The following PPARGC1A variants were observed in gnomAD, a reference collection of about 807,000 sequenced individuals.
PPARGC1A encodes the protein PPARG coactivator 1 alpha.
Under a neutral mutation model 88.7 loss-of-function variants are expected in PPARGC1A, and 25 were observed. The ratio of observed to expected loss-of-function variants is 0.28; its 90% CI spans 0.21 to 0.39. The LOEUF (loss-of-function observed/expected upper bound fraction) is 0.39, where lower values mean the gene tolerates loss of function less well. Ranked by LOEUF, PPARGC1A falls within the 10% of genes least tolerant of loss-of-function variation. PPARGC1A has a pLI of 1.00. For missense variants in PPARGC1A, 880 were observed against 968.7 expected, an observed-to-expected ratio of 0.91 and a Z score of 1.22; for synonymous variants, 363 against 355.6, an observed-to-expected ratio of 1.02 and a Z score of -0.24.
At chr4:24,409,331 T>G in the PPARGC1A span, among the ~76,000 whole-genome samples, 1 of 152,238 alleles carries the variant, frequency 6.6e-6, no homozygotes, top group African/African-American at 2.4e-5. Flanking sequence ...TAAAAGAACC[T>G]GCAGTCAAGA....
chr4:24,298,541 G>A, the PPARGC1A span, among the ~76,000 whole-genome samples: 1 of 152,136 alleles, frequency 6.6e-6, no homozygotes, highest in Non-Finnish European at 1.5e-5. Flanking sequence ...TTGCCCACAT[G>A]ATTTTGCAGT....
chr4:23,979,858 T>C, the PPARGC1A span, among the ~76,000 whole-genome samples: 4 of 152,136 alleles, frequency 2.6e-5, no homozygotes, highest in Non-Finnish European at 5.9e-5. Context: ...ACAGGTGTAG[T>C]GGATATCTCC....
chr4:23,959,153 C>T, the PPARGC1A span, among the ~76,000 whole-genome samples: 4 of 152,022 alleles, frequency 2.6e-5, no homozygotes, highest in East Asian at 7.7e-4. Flanking sequence ...AGAATGAATG[C>T]AAATGTGACT....
the PPARGC1A span, among the ~76,000 whole-genome samples, chr4:24,104,302 T>A: frequency 6.6e-6 from 1 of 152,296 alleles, no homozygotes; most frequent in East Asian, 1.9e-4. Context: ...CAGTGCTTTG[T>A]GGACTGTATT....
chr4:23,895,416 C>T (rs187949132), intron 1 of PPARGC1A, among the ~76,000 whole-genome samples: 1 of 149,916 alleles, frequency 6.7e-6, no homozygotes, highest in Admixed American at 6.7e-5. Flanking sequence ...TTTTCCAGTG[C>T]TTTGATATTT....
At chr4:23,972,489 G>A in the PPARGC1A span, among the ~76,000 whole-genome samples, 4 of 152,146 alleles carry the variant, frequency 2.6e-5, no homozygotes, top group South Asian at 2.1e-4. Flanking sequence ...AGTTTAACAC[G>A]TCCTTGATGG....
At chr4:23,822,151 A>G (rs1723120368) in intron 7 of PPARGC1A, among the ~76,000 whole-genome samples, 1 of 152,114 alleles carries the variant, frequency 6.6e-6, no homozygotes, top group African/African-American at 2.4e-5. Context: ...CTTAGCAATC[A>G]AAAGATCCAG....
chr4:24,440,406 AGCCAGTTCAC>A, the PPARGC1A span, among the ~76,000 whole-genome samples: 2 of 152,250 alleles, frequency 1.3e-5, no homozygotes, highest in African/African-American at 2.4e-5. Flanking sequence ...GCTGAGGTTC[AGCCAGTTCAC>A]GCAAAGTACA....
At chr4:24,298,736 C>T in the PPARGC1A span, among the ~76,000 whole-genome samples, 4 of 152,094 alleles carry the variant, frequency 2.6e-5, no homozygotes, top group Non-Finnish European at 5.9e-5. Flanking sequence ...TAAAACATGG[C>T]TTTTAGTCTG....
chr4:24,471,416 G>C, the PPARGC1A span, among the ~76,000 whole-genome samples: 1 of 152,134 alleles, frequency 6.6e-6, no homozygotes, highest in Non-Finnish European at 1.5e-5. The surrounding 1 kb of genome is among the most constrained non-coding windows in gnomAD (Gnocchi z 5.4). Context: ...ACTTCCCCGC[G>C]TAGTTTGGAG....
the PPARGC1A span, among the ~76,000 whole-genome samples, chr4:24,079,272 A>G: frequency 6.6e-6 from 1 of 152,132 alleles, no homozygotes. Flanking sequence ...TCAGTAGTTA[A>G]ATGGAATTTA....
intron 7 of PPARGC1A, among the ~76,000 whole-genome samples, chr4:23,817,377 T>C (rs1044012557): frequency 1.1e-4 from 17 of 152,184 alleles, no homozygotes; most frequent in Admixed American, 9.2e-4. Context: ...TTAGACAGCC[T>C]GTGGCCATTG....
intron 1 of PPARGC1A, among the ~76,000 whole-genome samples, chr4:23,898,347 A>G (rs1718858165): frequency 6.6e-6 from 1 of 152,198 alleles, no homozygotes; most frequent in Non-Finnish European, 1.5e-5. Context: ...GAGGTAGAAG[A>G]TGTATGCTTT....
chr4:24,469,145 C>T, the PPARGC1A span, among the ~76,000 whole-genome samples: 1 of 152,176 alleles, frequency 6.6e-6, no homozygotes, highest in Non-Finnish European at 1.5e-5. Flanking sequence ...AAATCATGAA[C>T]AAGTCTCACT....
intron 7 of PPARGC1A, among the ~76,000 whole-genome samples, chr4:23,822,318 ATTTT>A: frequency 6.6e-6 from 1 of 151,782 alleles, no homozygotes; most frequent in Middle Eastern, 3.4e-3. Context: ...AAATCTGTGC[ATTTT>A]TTTTGTTTGT....
At chr4:24,279,493 A>G in the PPARGC1A span, among the ~76,000 whole-genome samples, 36 of 152,216 alleles carry the variant, frequency 2.4e-4, no homozygotes, top group Admixed American at 2.3e-3. Flanking sequence ...AGATCCTTCT[A>G]TCTTGAATTC....
the PPARGC1A span, among the ~76,000 whole-genome samples, chr4:24,156,978 C>T: frequency 2.0e-5 from 3 of 152,104 alleles, no homozygotes; most frequent in Non-Finnish European, 4.4e-5. Context: ...CATCCCTTCG[C>T]TACTTTGATA....
chr4:24,039,176 A>G, the PPARGC1A span, among the ~76,000 whole-genome samples: 184 of 152,258 alleles, frequency 1.2e-3, 2 homozygotes, highest in African/African-American at 4.3e-3. Flanking sequence ...TTCGCTTTCC[A>G]ATTGGAAGCA....
chr4:23,806,958 C>A (rs1185995274), intron 10 of PPARGC1A, among the ~76,000 whole-genome samples: 2 of 152,092 alleles, frequency 1.3e-5, no homozygotes, highest in Admixed American at 6.5e-5. Flanking sequence ...TCTAAAATGT[C>A]CTTTAAGGTA....
Sources: allele counts gnomAD v4.1 joint callset (sites outside exome capture counted in the v4.1 genomes callset), GRCh38; gene constraint gnomAD v4.1.1; non-coding constraint Gnocchi (gnomAD v3.1); transcripts MANE v1.5; gene names NCBI Gene and HGNC (gene_info 2026-07-23, HGNC 2026-07-21).